Variants in TSC2 observed in about 807,000 individuals in gnomAD.
The protein encoded by TSC2 is tuberin.
In TSC2, 29 loss-of-function variants were observed where a neutral mutation model predicts 202.2. That is an observed-to-expected ratio of 0.14 (90% CI 0.11 to 0.20). The LOEUF (loss-of-function observed/expected upper bound fraction) is 0.20, where lower values mean the gene tolerates loss of function less well. TSC2 is among the 10% of genes least tolerant of loss of function. TSC2 has a pLI of 1.00. For synonymous variants in TSC2, 1,349 were observed against 1,044.0 expected (o/e 1.29, Z -5.63); for missense variants, 2,429 against 2,420.0 (o/e 1.00, Z -0.08).
rs533515579 is a variant in TSC2, at chr16:2,086,218, C to G, written c.4688C>G (p.Ser1563Cys). Residue 1563 changes from serine to cysteine, a missense_variant, in exon 37 of 42, where the codon TCC (serine) becomes TGC (cysteine). Transcript: ENST00000219476. ...AGCAACAGCGAGCTCGCCATCCTGT[C>G]CAATGAGCATGGCTCCTACAGGTAC... ...GQSNSELAILSNEHGSYRYTE... is the reference protein window; with the variant it reads ...GQSNSELAILCNEHGSYRYTE... 2 of 1,612,720 alleles carry G rather than the reference C, an allele frequency of 1.2e-6. No individual in the cohort carries two copies. Among genetic ancestry groups the G allele is most frequent in the East Asian group, 2.2e-5 (1 of 44,872 alleles).
chr16:2,063,112 T>C, intron 14 of TSC2, 59 bp downstream of exon 14: 4 of 1,540,202 alleles, frequency 2.6e-6, no homozygotes, highest in Non-Finnish European at 3.5e-6. Context: ...GGGCGGGCTG[T>C]CTCTGTTGTG....
chr16:2,065,703 G>T (rs1039758612), intron 16 of TSC2, 68 bp downstream of exon 16: 5 of 1,399,348 alleles, frequency 3.6e-6, no homozygotes, highest in Non-Finnish European at 5.1e-6. Flanking sequence ...CTGCATCTGC[G>T]TTGTGTTGGA....
intron 31 of TSC2, 99 bp from the exon 32 acceptor site, chr16:2,082,337 G>C: frequency 1.4e-6 from 2 of 1,428,724 alleles, no homozygotes; most frequent in South Asian, 2.3e-5. Context: ...CGCTGGCCCT[G>C]CCCTCTCTCC....
chr16:2,078,000 A>G (rs1415839580), intron 26 of TSC2, among the ~76,000 whole-genome samples: 1 of 152,168 alleles, frequency 6.6e-6, no homozygotes, highest in Non-Finnish European at 1.5e-5. Flanking sequence ...GGCTGTCCCC[A>G]AGGGCCGCAG....
rs146239734 is a variant in TSC2 at position 2,084,267 on chromosome 16, G to A, written c.4045G>A (p.Ala1349Thr). The part of the protein sequence containing the change: ...VSSQEEKSLH[A>T]EELVGRGIPI... Reference sequence around the variant, plus strand: ...CAGCCAGGAGGAGAAGTCGCTCCACGCGGAGGAGCTGGTTGGCAGGGGCAT... The same window carrying A: ...CAGCCAGGAGGAGAAGTCGCTCCACACGGAGGAGCTGGTTGGCAGGGGCAT... The change falls in exon 34 of 42, where the codon GCG becomes ACG. Residue 1349 changes from alanine (A) to threonine (T), a missense_variant. By Grantham distance (58) the Ala-to-Thr change is moderately conservative (BLOSUM62 0). Coordinates refer to ENST00000219476, the MANE Select transcript of TSC2 (RefSeq NM_000548.5). The A allele has an allele frequency of 4.2e-5, 67 of 1,608,752 alleles. No homozygotes were observed. The African/African-American group carries it at 7.0e-4, about 17-fold the overall frequency.
At chr16:2,080,628 C>T (rs369478878) in intron 30 of TSC2, 245 of 515,998 alleles carry the variant, frequency 4.7e-4, no homozygotes, top group Admixed American at 2.7e-3. Context: ...GGACCACAGG[C>T]GCCCGCCACC....
rs397514980 is a variant in TSC2 at position 2,086,239 on chromosome 16, G to A, written c.4709G>A (p.Arg1570Lys). The A allele has an allele frequency of 6.2e-7, 1 of 1,612,744 alleles. No individual in the cohort carries two copies. The highest frequency in any genetic ancestry group is 8.5e-7 in the Non-Finnish European group (1 of 1,179,942). ...CTGTCCAATGAGCATGGCTCCTACAGGTACACGGAGTTCCTGACGGGCCTG... is the reference window on the plus strand; with the variant it reads ...CTGTCCAATGAGCATGGCTCCTACAAGTACACGGAGTTCCTGACGGGCCTG... Reference protein sequence around the residue: ...AILSNEHGSYRYTEFLTGLGR... With the variant: ...AILSNEHGSYKYTEFLTGLGR... Residue 1570 changes from arginine (R) to lysine (K), a missense_variant, in exon 37 of 42, where the codon AGG (arginine) becomes AAG (lysine). By Grantham distance (26) the Arg-to-Lys change is conservative. Coordinates refer to ENST00000219476, the MANE Select transcript of TSC2 (RefSeq NM_000548.5).
At chr16:2,085,408 C>A in intron 36 of TSC2, 86 bp downstream of exon 36, 1 of 1,393,308 alleles carries the variant, frequency 7.2e-7, no homozygotes, top group Non-Finnish European at 1.0e-6. Flanking sequence ...GCCCCCAACG[C>A]CCCACAGAGC....
rs2151589566 is a variant in TSC2 at position 2,086,866 on chromosome 16, A to G, written c.4984A>G (p.Ile1662Val). 6.3e-7 allele frequency: 1 copy of G among 1,589,150 alleles called. No homozygotes were observed. Among genetic ancestry groups the G allele is most frequent in the South Asian group, 1.1e-5 (1 of 88,060 alleles). ...DSGEDFKLGT[I>V]KGQFNFVHVI... ...CGGTGAGGACTTCAAGCTTGGCACC[A>G]TCAAGGTGAGTGAGGGGCCGTCAGT... is the stretch of plus-strand genomic sequence containing the variant. The change falls in exon 38 of 42, where the codon ATC becomes GTC. Residue 1662 changes from isoleucine to valine, a missense_variant. Transcript: ENST00000219476.
In TSC2 at chr16:2,084,609, A is replaced by G; in HGVS notation, c.4387A>G (p.Ile1463Val). Reference protein sequence around the residue: ...PSGLRPRGYTISDSAPSRRGK... With the variant: ...PSGLRPRGYTVSDSAPSRRGK... ...TGGCCTCCGGCCCCGAGGTTACACC[A>G]TCTCCGACTCGGCCCCATCACGCAG... Residue 1463 changes from isoleucine to valine, a missense_variant, in exon 34 of 42, where the codon ATC (isoleucine) becomes GTC (valine). Transcript: ENST00000219476. 2.5e-6 allele frequency: 4 copies of G among 1,602,716 alleles called. No individual in the cohort carries two copies. Among genetic ancestry groups the G allele is most frequent in the South Asian group, 1.1e-5 (1 of 91,062 alleles).
rs2084550980 is a variant in TSC2 at position 2,048,003 on chromosome 16, G to C, written c.-92G>C. Reference sequence around the variant, plus strand: ...GGGTCGCGCTTCCGGCGGCGTCCCGGGGCCAGGGGGGTGCGCCTTTCTCCG... The same window carrying C: ...GGGTCGCGCTTCCGGCGGCGTCCCGCGGCCAGGGGGGTGCGCCTTTCTCCG... On this transcript the variant is annotated 5_prime_UTR_variant, in exon 1 of 42. Transcript: ENST00000219476. 6.7e-7 allele frequency: 1 copy of C among 1,487,024 alleles called. No homozygotes were observed. The allele number at this position is 1,487,024 out of a possible 1,614,324, so 92.1% of individuals were successfully genotyped here. A position where few individuals can be genotyped will look rare whatever the true frequency, so the allele number is the denominator to read the frequency against.
Position 2,047,985 on chromosome 16 carries a change from G to A in TSC2, c.-110G>A, listed in dbSNP as rs1596229108. On this transcript the variant is annotated 5_prime_UTR_variant, in exon 1 of 42. Transcript: ENST00000219476. ...TGCCGCTACCGGAAGTGCGGGTCGC[G>A]CTTCCGGCGGCGTCCCGGGGCCAGG... 18 of 1,512,270 alleles carry A rather than the reference G, an allele frequency of 1.2e-5. No individual in the cohort carries two copies. The highest frequency in any genetic ancestry group is 1.6e-5 in the Non-Finnish European group (18 of 1,132,118). 93.7% of individuals were successfully genotyped at this position (1,512,270 alleles called of 1,614,324 possible).
rs375126574 is a variant in TSC2 at position 2,083,648 on chromosome 16, G to A, written c.3884-47G>A. 1.9e-6 allele frequency: 3 copies of A among 1,555,990 alleles called. No individual in the cohort carries two copies. The Admixed American group carries it at 5.8e-5, about 30-fold the overall frequency. On this transcript the variant is annotated intron_variant, in intron 32 of 41. Coordinates refer to ENST00000219476, the MANE Select transcript of TSC2 (RefSeq NM_000548.5). Reference sequence around the variant, plus strand: ...TTCTCGGAGGCCACGTCAGGGCCAGGGCCTGGCCCAGCCCCACATCCAGCA... The same window carrying A: ...TTCTCGGAGGCCACGTCAGGGCCAGAGCCTGGCCCAGCCCCACATCCAGCA...
At chr16:2,050,907 A>C (rs2085029466) in intron 3 of TSC2, among the ~76,000 whole-genome samples, 1 of 151,914 alleles carries the variant, frequency 6.6e-6, no homozygotes, top group South Asian at 2.1e-4. Context: ...GTTTTAGGGG[A>C]ATTTAGCTTT....
Position 2,072,936 on chromosome 16 carries a change from C to T in TSC2, c.2308C>T (p.Leu770=), listed in dbSNP as rs762215859. 3 of 1,613,530 alleles carry T rather than the reference C, an allele frequency of 1.9e-6. No homozygotes were observed. Among genetic ancestry groups the T allele is most frequent in the African/African-American group, 2.7e-5 (2 of 74,958 alleles). The part of the protein sequence containing the change: ...TDLHLAVVPV[L]TALISYHNYL... ...CTTGCACCTGGCCGTGGTTCCAGTG[C>T]TGACAGCATTAATCTCTTACCATAA... is the stretch of plus-strand genomic sequence containing the variant. The change falls in exon 21 of 42, where the codon CTG becomes TTG. Residue 770 remains leucine, a synonymous_variant. Coordinates refer to ENST00000219476, the MANE Select transcript of TSC2 (RefSeq NM_000548.5).
In TSC2 at chr16:2,050,439, A is replaced by G. The variant is rs1053960780; in HGVS notation, c.178A>G (p.Met60Val). ...ATGTGGCCTCAACAATCGCATCCGGATGATAGGGCAGATTTGTGAAGTCGC... is the reference window on the plus strand; with the variant it reads ...ATGTGGCCTCAACAATCGCATCCGGGTGATAGGGCAGATTTGTGAAGTCGC... ...MECGLNNRIRMIGQICEVAKT... is the reference protein window; with the variant it reads ...MECGLNNRIRVIGQICEVAKT... The change falls in exon 3 of 42, where the codon ATG becomes GTG. Residue 60 changes from methionine to valine, a missense_variant. Coordinates refer to ENST00000219476, the MANE Select transcript of TSC2 (RefSeq NM_000548.5). The G allele has an allele frequency of 1.9e-6, 3 of 1,613,692 alleles. No individual in the cohort carries two copies. Among genetic ancestry groups the G allele is most frequent in the Non-Finnish European group, 2.5e-6 (3 of 1,179,938 alleles).
At position 2,075,441 on chromosome 16, in the gene TSC2, G is replaced by A. The variant is rs1596362495; in HGVS notation, c.2546-358G>A. Among the ~76,000 whole-genome samples the A allele has an allele frequency of 2.0e-5, 3 of 147,410 alleles. No individual in the cohort carries two copies. The South Asian group carries it at 6.5e-4, about 32-fold the overall frequency. On this transcript the variant is annotated intron_variant, in intron 22 of 41. Transcript: ENST00000219476. ...ACTTGGGAGGCTGAGGCAGGAGAAT[G>A]GCGTGAACCCAGGGGGTGGAGCTTG...
At chr16:2,058,692 C>T (rs1311086988) in intron 9 of TSC2, 55 bp from the exon 10 acceptor site, 7 of 1,550,096 alleles carry the variant, frequency 4.5e-6, no homozygotes, top group South Asian at 1.2e-5. Flanking sequence ...ACATCCATGG[C>T]GGACCCTGGG....
intron 16 of TSC2, 83 bp downstream of exon 16, chr16:2,065,718 G>A (rs1451375180): frequency 2.4e-6 from 3 of 1,264,872 alleles, no homozygotes; most frequent in Non-Finnish European, 3.5e-6. Flanking sequence ...GTTGGAGTCT[G>A]TTCCCCAGCG....
Sources: allele counts gnomAD v4.1 joint callset (sites outside exome capture counted in the v4.1 genomes callset), GRCh38; gene constraint gnomAD v4.1.1; transcripts MANE v1.5; gene names NCBI Gene and HGNC (gene_info 2026-07-23, HGNC 2026-07-21).